Variants in SCML4 observed in about 807,000 individuals in gnomAD.
SCML4 encodes Scm polycomb group protein like 4.
Under a neutral mutation model 41.1 loss-of-function variants are expected in SCML4, and 34 were observed. The ratio of observed to expected loss-of-function variants is 0.83; its 90% CI spans 0.63 to 1.10. SCML4 has a LOEUF of 1.10. Ranked by LOEUF, SCML4 falls within the 50% of genes least tolerant of loss-of-function variation. The pLI is 0.00. For missense variants in SCML4, 522 were observed against 534.1 expected (o/e 0.98, Z 0.22); for synonymous variants, 214 against 220.9 (o/e 0.97, Z 0.28).
At chr6:107,838,238 GC>G in the SCML4 span, among the ~76,000 whole-genome samples, 1 of 152,054 alleles carries the variant, frequency 6.6e-6, no homozygotes, top group African/African-American at 2.4e-5. Context: ...GATAGTAGGG[GC>G]TTCCTTAAGT....
chr6:107,834,527 G>C, the SCML4 span, among the ~76,000 whole-genome samples: 1 of 152,250 alleles, frequency 6.6e-6, no homozygotes, highest in Non-Finnish European at 1.5e-5. Flanking sequence ...GTGGGGTTCA[G>C]ATGGGGCAGG....
At chr6:107,741,089 G>A (rs973222122) in intron 5 of SCML4, among the ~76,000 whole-genome samples, 4 of 152,092 alleles carry the variant, frequency 2.6e-5, no homozygotes, top group East Asian at 1.9e-4. Flanking sequence ...TGAAAGTTTC[G>A]AGGCCGACTT....
chr6:107,745,201 A>G (rs1777966470), intron 4 of SCML4, 58 bp from the exon 5 acceptor site: 5 of 1,299,414 alleles, frequency 3.8e-6, no homozygotes, highest in African/African-American at 1.5e-5. Context: ...CCGCAAGTCA[A>G]TCGGCCGTGG....
At chr6:107,708,378 G>C (rs1210290041) in intron 6 of SCML4, among the ~76,000 whole-genome samples, 1 of 152,136 alleles carries the variant, frequency 6.6e-6, no homozygotes. Context: ...TCCTGAGCCT[G>C]GGTACTTGGT....
At position 107,743,254 on chromosome 6, in the gene SCML4, A is replaced by G. The variant is rs117373454; in HGVS notation, c.682+1695T>C. Among the ~76,000 whole-genome samples the G allele has an allele frequency of 4.3e-3, 650 of 152,320 alleles. 10 individuals are homozygous for G. In the East Asian group the frequency reaches 0.063, roughly 15 times the overall value. ...CCTGACCTGGACATATCAATTATTG[A>G]CTAGAGAACATTTTGTAACCTGAAA... On this transcript the variant is annotated intron_variant, in intron 5 of 7. Coordinates refer to ENST00000369020, the MANE Select transcript of SCML4 (RefSeq NM_198081.5).
chr6:107,743,380 G>A (rs1466138554), intron 5 of SCML4, among the ~76,000 whole-genome samples: 1 of 152,222 alleles, frequency 6.6e-6, no homozygotes, highest in Non-Finnish European at 1.5e-5. Flanking sequence ...TACGGGTTAT[G>A]CTGCTTTATG....
intron 1 of SCML4, among the ~76,000 whole-genome samples, chr6:107,800,662 G>T (rs963824392): frequency 2.0e-5 from 3 of 152,126 alleles, no homozygotes; most frequent in African/African-American, 7.2e-5. Context: ...TTGCTTTTCA[G>T]CAACAAATCC....
chr6:107,815,732 G>A (rs1411319586), intron 1 of SCML4, among the ~76,000 whole-genome samples: 1 of 152,170 alleles, frequency 6.6e-6, no homozygotes, highest in Non-Finnish European at 1.5e-5. Flanking sequence ...TTATATTTCA[G>A]TTATGACATT....
intron 1 of SCML4, among the ~76,000 whole-genome samples, chr6:107,785,018 G>C (rs1199859431): frequency 1.3e-5 from 2 of 152,224 alleles, no homozygotes; most frequent in Admixed American, 6.5e-5. Context: ...AGCTGAGACA[G>C]AGACAAGTCA....
intron 5 of SCML4, among the ~76,000 whole-genome samples, chr6:107,740,322 C>T (rs1777471914): frequency 1.3e-5 from 2 of 152,174 alleles, no homozygotes; most frequent in South Asian, 4.1e-4. Context: ...CCACATCCAT[C>T]CTGCAAACGA....
In SCML4 at chr6:107,744,943, G is replaced by T. The variant is rs770107756; in HGVS notation, c.682+6C>A. 5.6e-6 allele frequency: 9 copies of T among 1,599,552 alleles called. No individual in the cohort carries two copies. The highest frequency in any genetic ancestry group is 7.7e-6 in the Non-Finnish European group (9 of 1,171,896). ...CTGCAGGTGGGGGAAGCAGGACAAG[G>T]CCTACCTGATTCCATCCTCCCTTCC... On this transcript the variant is annotated splice_donor_region_variant and intron_variant, in intron 5 of 7. Transcript: ENST00000369020.
At chr6:107,821,279 T>C (rs747396914) in intron 1 of SCML4, among the ~76,000 whole-genome samples, 5 of 151,968 alleles carry the variant, frequency 3.3e-5, no homozygotes, top group Non-Finnish European at 5.9e-5. Context: ...GCTGATTTAA[T>C]CCCCCTCTTC....
intron 2 of SCML4, among the ~76,000 whole-genome samples, chr6:107,760,176 A>G (rs1026619172): frequency 2.0e-5 from 3 of 152,228 alleles, no homozygotes; most frequent in African/African-American, 7.2e-5. Flanking sequence ...ATTCTAAATT[A>G]TTTGAAGTCC....
intron 1 of SCML4, among the ~76,000 whole-genome samples, chr6:107,776,628 G>C (rs1780973128): frequency 6.6e-6 from 1 of 152,116 alleles, no homozygotes; most frequent in Admixed American, 6.6e-5. Context: ...TGTTGGCAAG[G>C]GTACAAATTG....
At position 107,705,031 on chromosome 6, in the gene SCML4, T is replaced by C. The variant is rs1201995657; in HGVS notation, c.*169A>G. 1.5e-5 allele frequency: 11 copies of C among 725,636 alleles called. No individual in the cohort carries two copies. Among genetic ancestry groups the C allele is most frequent in the Non-Finnish European group, 2.6e-5 (11 of 429,566 alleles). The allele number at this position is 725,636 out of a possible 1,614,324, so 44.9% of individuals were successfully genotyped here. ...AGGAGCCTCTCGAAAAGGTCCATGT[T>C]AAATTCTTCAAAAGGCAAAGATTCA... On this transcript the variant is annotated 3_prime_UTR_variant, in exon 8 of 8. Coordinates refer to ENST00000369020, the MANE Select transcript of SCML4 (RefSeq NM_198081.5).
Position 107,806,069 on chromosome 6 carries a change from G to T in SCML4, c.-60+18057C>A, listed in dbSNP as rs578065684. Among the ~76,000 whole-genome samples, 4 of 152,322 alleles carry T rather than the reference G, an allele frequency of 2.6e-5. No homozygotes were observed. The South Asian group carries it at 8.3e-4, about 32-fold the overall frequency. ...AAGATAGGATTTACCACGGGGCCAGGTGATGCCACAGAGGCACCTGTGCCA... is the reference window on the plus strand; with the variant it reads ...AAGATAGGATTTACCACGGGGCCAGTTGATGCCACAGAGGCACCTGTGCCA... On this transcript the variant is annotated intron_variant, in intron 1 of 7. Coordinates refer to ENST00000369020, the MANE Select transcript of SCML4 (RefSeq NM_198081.5).
chr6:107,767,412 C>T (rs753636508), intron 2 of SCML4, among the ~76,000 whole-genome samples: 6 of 152,200 alleles, frequency 3.9e-5, no homozygotes, highest in Non-Finnish European at 5.9e-5. Context: ...ACCCTTTCTA[C>T]TTAAGTTTGA....
chr6:107,827,224 C>A (rs1014525388), upstream of SCML4, among the ~76,000 whole-genome samples: 156 of 143,184 alleles, frequency 1.1e-3, 1 homozygote, highest in Middle Eastern at 0.023. Flanking sequence ...TTAAATATAT[C>A]TTTATATTTT....
At chr6:107,775,753 A>G (rs1195182114) in intron 1 of SCML4, among the ~76,000 whole-genome samples, 1 of 152,210 alleles carries the variant, frequency 6.6e-6, no homozygotes, top group Non-Finnish European at 1.5e-5. Flanking sequence ...AAGTCTAGTG[A>G]GGAAGATTTG....
Sources: allele counts gnomAD v4.1 joint callset (sites outside exome capture counted in the v4.1 genomes callset), GRCh38; gene constraint gnomAD v4.1.1; transcripts MANE v1.5; gene names NCBI Gene and HGNC (gene_info 2026-07-23, HGNC 2026-07-21).